DHRSX: variants seen among roughly 807,000 people sequenced by gnomAD.
DHRSX encodes the protein polyprenol dehydrogenase.
In DHRSX, 31 loss-of-function variants were observed where a neutral mutation model predicts 34.0. The ratio of observed to expected loss-of-function variants is 0.91; its 90% confidence interval spans 0.69 to 1.23. DHRSX has a LOEUF of 1.23. Ranked by LOEUF, DHRSX falls within the 50% of genes most tolerant of loss-of-function variation. The probability of loss-of-function intolerance (pLI) is 0.00; values close to 1 mark genes in which losing one functional copy is unlikely to be tolerated. For synonymous variants in DHRSX, 201 were observed against 183.8 expected (o/e 1.09, Z -0.76); for missense variants, 414 against 428.1 (o/e 0.97, Z 0.29).
At chrX:2,350,211 C>T (rs2042772990) in intron 3 of DHRSX, among the ~76,000 whole-genome samples, 1 of 151,774 alleles carries the variant, frequency 6.6e-6, no homozygotes, top group South Asian at 2.1e-4. Flanking sequence ...ATTAGCCGGG[C>T]ATGGTGGCGG....
rs534177482 is a variant in DHRSX, at chrX:2,346,687, G to A, written c.287-55084C>T. ...GTTGTTTAATACTTTAAGTCCTGGG[G>A]TACATGTGCAGAACATGCAGGTTAC... On this transcript the variant is annotated intron_variant, in intron 3 of 6. Coordinates refer to ENST00000334651, the MANE Select transcript of DHRSX (RefSeq NM_145177.3). 3.1e-4 allele frequency among the ~76,000 whole-genome samples: 47 copies of A among 151,584 alleles called. 1 individual carries two copies. In the South Asian group the frequency reaches 6.7e-3, roughly 22 times the overall value.
chrX:2,367,791 G>A (rs1395089356), intron 3 of DHRSX, among the ~76,000 whole-genome samples: 3 of 152,108 alleles, frequency 2.0e-5, no homozygotes, highest in Non-Finnish European at 2.9e-5. Context: ...TGGATGGTGG[G>A]TACACAAATG....
chrX:2,369,669 A>C (rs996191776), intron 3 of DHRSX, among the ~76,000 whole-genome samples: 3 of 151,592 alleles, frequency 2.0e-5, no homozygotes, highest in African/African-American at 7.3e-5. Context: ...GCCGGGGCTA[A>C]TTTTTTCTAT....
intron 3 of DHRSX, among the ~76,000 whole-genome samples, chrX:2,408,426 T>G (rs2043585913): frequency 1.3e-5 from 2 of 152,168 alleles, no homozygotes; most frequent in East Asian, 1.9e-4. Flanking sequence ...TCCTGGCATG[T>G]GCCCTGGAGG....
chrX:2,339,262 A>G (rs2068336911), intron 3 of DHRSX, among the ~76,000 whole-genome samples: 1 of 151,840 alleles, frequency 6.6e-6, no homozygotes, highest in Non-Finnish European at 1.5e-5. Flanking sequence ...CAGCCTCCCA[A>G]GCAGCTGGGA....
At chrX:2,284,331 AATTC>A (rs1376622743) in intron 4 of DHRSX, among the ~76,000 whole-genome samples, 9 of 150,912 alleles carry the variant, frequency 6.0e-5, no homozygotes, top group African/African-American at 9.7e-5. Flanking sequence ...CATTCCTCTG[AATTC>A]ATTCATTCAT....
intron 5 of DHRSX, among the ~76,000 whole-genome samples, chrX:2,259,810 CTG>C (rs1391426441): frequency 6.6e-6 from 1 of 151,536 alleles, no homozygotes; most frequent in African/African-American, 2.4e-5. Context: ...TCCTCTGTGT[CTG>C]TGTCTCCTCT....
chrX:2,468,782 A>T (rs1426929903), intron 1 of DHRSX, among the ~76,000 whole-genome samples: 2 of 149,524 alleles, frequency 1.3e-5, no homozygotes, highest in Non-Finnish European at 3.0e-5. Flanking sequence ...CACTGAAGAC[A>T]TTCCCTAAGC....
At chrX:2,480,981 G>A in intron 1 of DHRSX, among the ~76,000 whole-genome samples, 1 of 152,250 alleles carries the variant, frequency 6.6e-6, no homozygotes. Flanking sequence ...AAAAGTAGGT[G>A]AGGTGATATA....
At chrX:2,317,531 C>T (rs1328226657) in intron 3 of DHRSX, among the ~76,000 whole-genome samples, 4 of 151,662 alleles carry the variant, frequency 2.6e-5, no homozygotes, top group East Asian at 1.9e-4. Flanking sequence ...GGATTACAGG[C>T]GTGAGCCACT....
chrX:2,269,774 A>G (rs1402394240), intron 4 of DHRSX, among the ~76,000 whole-genome samples: 1 of 152,182 alleles, frequency 6.6e-6, no homozygotes, highest in Non-Finnish European at 1.5e-5. Context: ...TCCTGACCTC[A>G]GGGGATCCGC....
intron 1 of DHRSX, among the ~76,000 whole-genome samples, chrX:2,433,861 A>G (rs1164789384): frequency 2.0e-5 from 3 of 151,794 alleles, no homozygotes; most frequent in African/African-American, 2.4e-5. Flanking sequence ...TGCAAGCTCC[A>G]CCTCCCGGGT....
intron 3 of DHRSX, among the ~76,000 whole-genome samples, chrX:2,374,277 A>G (rs1307424508): frequency 6.6e-6 from 1 of 152,184 alleles, no homozygotes; most frequent in Non-Finnish European, 1.5e-5. Context: ...AAATACCAAC[A>G]TGTGGTTCTG....
intron 3 of DHRSX, among the ~76,000 whole-genome samples, chrX:2,355,069 C>T (rs939770366): frequency 7.2e-5 from 11 of 152,116 alleles, no homozygotes; most frequent in African/African-American, 2.7e-4. Context: ...CCTGAGACCA[C>T]TAATCCTTCA....
chrX:2,255,975 C>G (rs1198230630), intron 5 of DHRSX, among the ~76,000 whole-genome samples: 1 of 150,610 alleles, frequency 6.6e-6, no homozygotes, highest in Non-Finnish European at 1.5e-5. Context: ...GGAAAGAAAT[C>G]TTAAAGAATA....
chrX:2,242,545 T>A (rs1158899344), intron 6 of DHRSX, among the ~76,000 whole-genome samples: 21 of 152,006 alleles, frequency 1.4e-4, no homozygotes, highest in Non-Finnish European at 1.5e-5. Flanking sequence ...CAGGATGAGA[T>A]AAGAGGTTGC....
intron 3 of DHRSX, among the ~76,000 whole-genome samples, chrX:2,301,556 G>C (rs2042009647): frequency 6.6e-6 from 1 of 152,242 alleles, no homozygotes; most frequent in Non-Finnish European, 1.5e-5. Flanking sequence ...GATGGGCCAT[G>C]ACATGCCATC....
intron 3 of DHRSX, among the ~76,000 whole-genome samples, chrX:2,368,242 CAAAA>C (rs761239560): frequency 8.5e-6 from 1 of 118,340 alleles, no homozygotes; most frequent in Non-Finnish European, 1.8e-5. Flanking sequence ...GACTCTGTCT[CAAAA>C]AAAAAAAAAA....
intron 3 of DHRSX, among the ~76,000 whole-genome samples, chrX:2,315,408 A>C (rs2042230469): frequency 6.6e-6 from 1 of 152,148 alleles, no homozygotes; most frequent in Non-Finnish European, 1.5e-5. Context: ...TATCAGGAGA[A>C]CATAAACAGA....
Sources: allele counts gnomAD v4.1 joint callset (sites outside exome capture counted in the v4.1 genomes callset), GRCh38; gene constraint gnomAD v4.1.1; transcripts MANE v1.5; gene names NCBI Gene and HGNC (gene_info 2026-07-23, HGNC 2026-07-21).